Variants in CEP350 observed in about 807,000 individuals in gnomAD.
The protein encoded by CEP350 is centrosomal protein 350.
CEP350 carries 126 observed loss-of-function variants against 331.8 expected under a neutral mutation model. The observed-to-expected ratio is 0.38, with a 90% confidence interval of 0.33 to 0.44. The LOEUF (loss-of-function observed/expected upper bound fraction) is 0.44, where lower values mean the gene tolerates loss of function less well. Ranked by LOEUF, CEP350 falls within the 20% of genes least tolerant of loss-of-function variation. CEP350 has a pLI of 1.00. For missense variants in CEP350, 3,406 were observed against 3,634.6 expected (o/e 0.94, Z 1.62); for synonymous variants, 1,200 against 1,259.5 (o/e 0.95, Z 1.00).
At chr1:179,981,533 A>G (rs1652270553) in intron 1 of CEP350, among the ~76,000 whole-genome samples, 1 of 152,182 alleles carries the variant, frequency 6.6e-6, no homozygotes, top group African/African-American at 2.4e-5. Context: ...TTCAATTTTC[A>G]GTTTCTACAA....
chr1:180,073,425 T>C (rs1029415866), intron 27 of CEP350, among the ~76,000 whole-genome samples: 2 of 152,206 alleles, frequency 1.3e-5, no homozygotes, highest in African/African-American at 4.8e-5. Flanking sequence ...GTTGCTGATA[T>C]ACTAGGTTCA....
rs747309494 is a variant in CEP350 at position 180,094,001 on chromosome 1, C to G, written c.7896C>G (p.Ser2632Arg). The G allele has an allele frequency of 6.2e-6, 10 of 1,613,698 alleles. No homozygotes were observed. The South Asian group carries it at 1.1e-4, about 18-fold the overall frequency. The change falls in exon 34 of 38, where the codon AGC becomes AGG. Residue 2632 changes from serine (S) to arginine (R), a missense_variant. Coordinates refer to ENST00000367607, the MANE Select transcript of CEP350 (RefSeq NM_014810.5). ...DIEASVNRSR[S>R]LKIETDNVQD... ...AAGCCTCAGTTAATAGAAGTAGAAG[C>G]CTTAAAATAGAAACAGACAATGTAC...
intron 14 of CEP350, among the ~76,000 whole-genome samples, chr1:180,025,801 G>A (rs963637871): frequency 6.6e-6 from 1 of 152,036 alleles, no homozygotes; most frequent in Admixed American, 6.6e-5. Flanking sequence ...TAATGCATGC[G>A]GGGCTTAAAA....
At chr1:180,078,336 ACT>A in intron 28 of CEP350, 125 bp from the exon 29 acceptor site, 1 of 648,748 alleles carries the variant, frequency 1.5e-6, no homozygotes, top group Admixed American at 2.7e-5. Context: ...GGAAGCTATG[ACT>A]CTCCTGTTTG....
At chr1:180,007,365 G>T (rs1451985452) in intron 8 of CEP350, among the ~76,000 whole-genome samples, 1 of 152,148 alleles carries the variant, frequency 6.6e-6, no homozygotes, top group Non-Finnish European at 1.5e-5. Context: ...GACCAGTGAT[G>T]ATGGGTTTTT....
intron 27 of CEP350, among the ~76,000 whole-genome samples, 172 bp downstream of exon 27, chr1:180,065,444 T>C (rs1330043748): frequency 1.3e-5 from 2 of 152,122 alleles, no homozygotes; most frequent in African/African-American, 2.4e-5. Context: ...GTAGATCTTA[T>C]TTATAAAACA....
At chr1:180,009,307 G>A (rs538187160) in intron 8 of CEP350, among the ~76,000 whole-genome samples, 3 of 152,320 alleles carry the variant, frequency 2.0e-5, no homozygotes, top group African/African-American at 7.2e-5. Context: ...ACTCACCCAG[G>A]CAATAATTAC....
intron 25 of CEP350, among the ~76,000 whole-genome samples, chr1:180,059,839 C>T (rs902563220): frequency 5.3e-5 from 8 of 152,000 alleles, no homozygotes; most frequent in Non-Finnish European, 1.0e-4. Context: ...CTGTTGCCCA[C>T]CCAAAATAAT....
chr1:179,991,703 G>A lies in CEP350; in HGVS notation c.236-359G>A, dbSNP rs1335714002. Among the ~76,000 whole-genome samples, 104 of 129,432 alleles carry A rather than the reference G, an allele frequency of 8.0e-4. 1 individual carries two copies. The highest frequency in any genetic ancestry group is 4.5e-3 in the Middle Eastern group (1 of 224). The allele number at this position is 129,432 out of a possible 152,430, so 84.9% of individuals were successfully genotyped here. A position where few individuals can be genotyped will look rare whatever the true frequency, so the allele number is the denominator to read the frequency against. ...TGTGTGTGTGTGTGTGTGTGTGTGT[G>A]TGTGTATATATATATATATATACAT... is the stretch of plus-strand genomic sequence containing the variant. On this transcript the variant is annotated intron_variant, in intron 4 of 37. Coordinates refer to ENST00000367607, the MANE Select transcript of CEP350 (RefSeq NM_014810.5).
chr1:180,013,510 G>C (rs149132338), intron 9 of CEP350, among the ~76,000 whole-genome samples: 1 of 152,060 alleles, frequency 6.6e-6, no homozygotes, highest in Non-Finnish European at 1.5e-5. Flanking sequence ...TGTGGAGAGA[G>C]AGAAATAGTA....
At position 180,114,134 on chromosome 1, in the gene CEP350, A is replaced by T. The variant is rs1184946899; in HGVS notation, c.*2973A>T. The stretch of plus-strand genomic sequence containing the variant: ...GAAATTATCTTTCAAAAGAGATTTC[A>T]TTGCTCATAAGAGTGTTGTGGCCTA... On this transcript the variant is annotated 3_prime_UTR_variant, in exon 38 of 38. Coordinates refer to ENST00000367607, the MANE Select transcript of CEP350 (RefSeq NM_014810.5). 2 of 152,630 alleles carry T rather than the reference A, an allele frequency of 1.3e-5. No individual in the cohort carries two copies. The highest frequency in any genetic ancestry group is 3.8e-4 in the East Asian group (2 of 5,200). The allele number at this position is 152,630 out of a possible 1,614,324, so 9.5% of individuals were successfully genotyped here.
chr1:179,999,940 G>A (rs1653751156), intron 6 of CEP350, among the ~76,000 whole-genome samples: 1 of 152,036 alleles, frequency 6.6e-6, no homozygotes, highest in South Asian at 2.1e-4. Flanking sequence ...TACTATATTT[G>A]GTTGTTTGCA....
At chr1:180,036,047 G>C (rs1386573431) in intron 16 of CEP350, among the ~76,000 whole-genome samples, 1 of 152,216 alleles carries the variant, frequency 6.6e-6, no homozygotes, top group Non-Finnish European at 1.5e-5. Context: ...GGAAGAAGTT[G>C]ATTCCAGCCC....
At chr1:180,096,852 T>G (rs560736346) in intron 36 of CEP350, among the ~76,000 whole-genome samples, 1 of 152,328 alleles carries the variant, frequency 6.6e-6, no homozygotes, top group African/African-American at 2.4e-5. Flanking sequence ...AGAGCAGTGA[T>G]TCTCAACTTT....
intron 13 of CEP350, among the ~76,000 whole-genome samples, chr1:180,023,919 A>G (rs1385787251): frequency 6.6e-6 from 1 of 152,166 alleles, no homozygotes; most frequent in Non-Finnish European, 1.5e-5. Context: ...GAATAAGTAT[A>G]AAAATTATAT....
At chr1:180,044,412 A>G (rs978089091) in intron 21 of CEP350, among the ~76,000 whole-genome samples, 1 of 152,150 alleles carries the variant, frequency 6.6e-6, no homozygotes, top group Admixed American at 6.5e-5. Flanking sequence ...TCCTGCATTT[A>G]ATATTCACAG....
intron 32 of CEP350, among the ~76,000 whole-genome samples, chr1:180,089,309 G>T (rs1660034939): frequency 6.6e-6 from 1 of 152,222 alleles, no homozygotes; most frequent in African/African-American, 2.4e-5. Flanking sequence ...ACTTGAGCCA[G>T]GCACGGTGGC....
chr1:180,038,848 G>A (rs1397825169), intron 17 of CEP350, among the ~76,000 whole-genome samples: 8 of 152,242 alleles, frequency 5.3e-5, no homozygotes, highest in African/African-American at 1.9e-4. Flanking sequence ...GTCTTTTGAG[G>A]AATAGAAGTT....
intron 1 of CEP350, among the ~76,000 whole-genome samples, 182 bp downstream of exon 1, chr1:179,955,324 G>A (rs1650086423): frequency 6.6e-6 from 1 of 152,208 alleles, no homozygotes; most frequent in South Asian, 2.1e-4. Context: ...GGGGACCTAG[G>A]TTTCGGGTCC....
Sources: allele counts gnomAD v4.1 joint callset (sites outside exome capture counted in the v4.1 genomes callset), GRCh38; gene constraint gnomAD v4.1.1; transcripts MANE v1.5; gene names NCBI Gene and HGNC (gene_info 2026-07-23, HGNC 2026-07-21).